IL1RAPL2: variants seen among roughly 807,000 people sequenced by gnomAD.
IL1RAPL2 encodes the protein X-linked interleukin-1 receptor accessory protein-like 2.
In IL1RAPL2, 3 loss-of-function variants were observed where a neutral mutation model predicts 44.1. The ratio of observed to expected loss-of-function variants is 0.07; its 90% CI spans 0.03 to 0.18. The LOEUF (loss-of-function observed/expected upper bound fraction) is 0.18. Ranked by LOEUF, IL1RAPL2 falls within the 10% of genes least tolerant of loss-of-function variation. IL1RAPL2 has a pLI of 1.00. For missense variants in IL1RAPL2, 391 were observed against 496.4 expected (o/e 0.79, Z 2.02); for synonymous variants, 181 against 178.8 (o/e 1.01, Z -0.10).
intron 6 of IL1RAPL2, among the ~76,000 whole-genome samples, chrX:105,569,765 A>G (rs1230483152): frequency 2.7e-5 from 3 of 111,306 alleles, no homozygotes; most frequent in South Asian, 7.6e-4. Context: ...TGACTTATAG[A>G]TACACTCTTT....
At chrX:105,731,704 C>T (rs2038407531) in intron 7 of IL1RAPL2, among the ~76,000 whole-genome samples, 1 of 110,834 alleles carries the variant, frequency 9.0e-6, no homozygotes, top group Non-Finnish European at 1.9e-5. Flanking sequence ...GTGAAATAAG[C>T]CCTGTACTCA....
At chrX:105,283,199 C>G (rs1026930967) in intron 5 of IL1RAPL2, among the ~76,000 whole-genome samples, 29 of 111,351 alleles carry the variant, frequency 2.6e-4, no homozygotes, top group African/African-American at 8.5e-4. Flanking sequence ...GATGTCTGTC[C>G]TGAGTGAGCT....
intron 2 of IL1RAPL2, among the ~76,000 whole-genome samples, chrX:104,848,714 GCTGT>G (rs1193882749): frequency 9.3e-6 from 1 of 107,843 alleles, no homozygotes; most frequent in African/African-American, 3.3e-5. Context: ...GAACTTTTGA[GCTGT>G]CTATCATATA....
chrX:105,150,553 G>C (rs1055871674), intron 2 of IL1RAPL2, among the ~76,000 whole-genome samples: 43 of 111,942 alleles, frequency 3.8e-4, no homozygotes, highest in African/African-American at 1.3e-3. Flanking sequence ...GTAGAAAGGA[G>C]ATTTGCTGTC....
intron 5 of IL1RAPL2, among the ~76,000 whole-genome samples, chrX:105,383,535 A>G (rs1349797087): frequency 1.8e-5 from 2 of 112,267 alleles, no homozygotes; most frequent in Non-Finnish European, 3.8e-5. Flanking sequence ...TTGATTCCAT[A>G]GCTTGGCTAT....
chrX:105,087,063 T>G (rs983577840), intron 2 of IL1RAPL2, among the ~76,000 whole-genome samples: 3 of 110,605 alleles, frequency 2.7e-5, no homozygotes, highest in Non-Finnish European at 5.7e-5. Context: ...GGCATTAGAG[T>G]GTGGATTCAA....
At chrX:105,595,117 T>G (rs1233308300) in intron 6 of IL1RAPL2, among the ~76,000 whole-genome samples, 1 of 111,973 alleles carries the variant, frequency 8.9e-6, no homozygotes, top group Non-Finnish European at 1.9e-5. Flanking sequence ...AGCACAGAGT[T>G]TTTGATTACC....
At chrX:105,632,386 C>T (rs1410756829) in intron 6 of IL1RAPL2, among the ~76,000 whole-genome samples, 2 of 111,746 alleles carry the variant, frequency 1.8e-5, no homozygotes, top group African/African-American at 3.2e-5. Context: ...GACATGGGGA[C>T]TCAGAATTTG....
intron 6 of IL1RAPL2, among the ~76,000 whole-genome samples, chrX:105,638,195 T>C (rs1047840629): frequency 8.9e-6 from 1 of 112,053 alleles, no homozygotes; most frequent in African/African-American, 3.2e-5. Context: ...AAGAGCATCA[T>C]ATAGCTACAA....
chrX:105,083,159 C>T (rs2032435463), intron 2 of IL1RAPL2, among the ~76,000 whole-genome samples: 1 of 110,380 alleles, frequency 9.1e-6, no homozygotes, highest in African/African-American at 3.3e-5. Flanking sequence ...GAAGCATACA[C>T]AATTATCAAT....
intron 6 of IL1RAPL2, among the ~76,000 whole-genome samples, chrX:105,522,906 A>G (rs1483506953): frequency 9.0e-6 from 1 of 110,530 alleles, no homozygotes; most frequent in African/African-American, 3.3e-5. Context: ...CATATCAATC[A>G]CCTTCCTACT....
intron 2 of IL1RAPL2, among the ~76,000 whole-genome samples, chrX:104,980,832 G>GT (rs1054308663): frequency 1.3e-4 from 14 of 109,945 alleles, no homozygotes; most frequent in Admixed American, 2.9e-4. Context: ...TTTTAGAATA[G>GT]TTTTTTTTTC....
intron 5 of IL1RAPL2, among the ~76,000 whole-genome samples, chrX:105,408,602 A>G (rs982151637): frequency 6.3e-5 from 7 of 111,803 alleles, no homozygotes; most frequent in African/African-American, 1.6e-4. Flanking sequence ...GAAATGAATT[A>G]TTTTCTTTGC....
At position 105,465,456 on chromosome X, in the gene IL1RAPL2, T is replaced by C. The variant is rs181083903; in HGVS notation, c.698-18857T>C. Reference sequence around the variant, plus strand: ...TTTTGAGAGCCAGATCCTTTAATAATAGATTATTAGAAACTATTGTTGATT... The same window carrying C: ...TTTTGAGAGCCAGATCCTTTAATAACAGATTATTAGAAACTATTGTTGATT... On this transcript the variant is annotated intron_variant, in intron 5 of 10. Transcript: ENST00000372582. Among the ~76,000 whole-genome samples the C allele has an allele frequency of 6.2e-5, 7 of 112,266 alleles. No homozygotes were observed. The East Asian group carries it at 2.0e-3, about 32-fold the overall frequency.
chrX:105,196,238 C>T (rs782028095), intron 3 of IL1RAPL2, among the ~76,000 whole-genome samples: 18 of 110,615 alleles, frequency 1.6e-4, no homozygotes, highest in African/African-American at 4.3e-4. Context: ...GCCGAGATCG[C>T]GCCACTGCAC....
chrX:104,847,950 A>T (rs956665619), intron 2 of IL1RAPL2, among the ~76,000 whole-genome samples: 6 of 110,200 alleles, frequency 5.4e-5, no homozygotes, highest in African/African-American at 2.0e-4. Flanking sequence ...ATTCTCTTTG[A>T]AGCAATTGTG....
chrX:105,663,309 T>C (rs1235980770), intron 6 of IL1RAPL2, among the ~76,000 whole-genome samples: 2 of 111,950 alleles, frequency 1.8e-5, no homozygotes, highest in African/African-American at 3.2e-5. Context: ...TTACGAAAAG[T>C]TAAAATTAAA....
chrX:105,763,899 C>T (rs1457230803), intron 10 of IL1RAPL2, among the ~76,000 whole-genome samples: 1 of 111,234 alleles, frequency 9.0e-6, no homozygotes, highest in African/African-American at 3.3e-5. Context: ...AGGGCCCAAG[C>T]AAATGGCTCA....
intron 5 of IL1RAPL2, among the ~76,000 whole-genome samples, chrX:105,329,981 G>A (rs1466433232): frequency 9.0e-6 from 1 of 110,694 alleles, no homozygotes; most frequent in Non-Finnish European, 1.9e-5. Flanking sequence ...CTATTGAATA[G>A]CACCTGTCCA....
Sources: gnomAD v4.1 joint callset for allele counts (sites outside exome capture counted in the v4.1 genomes callset) on GRCh38, gnomAD v4.1.1 for gene constraint, MANE v1.5 for transcripts, NCBI Gene and HGNC (gene_info 2026-07-23, HGNC 2026-07-21) for gene names.